RCC1: variants seen among roughly 807,000 people sequenced by gnomAD.
The protein encoded by RCC1 is regulator of chromosome condensation.
In RCC1, 11 loss-of-function variants were observed where a neutral mutation model predicts 44.4. The observed-to-expected ratio is 0.25, with a 90% confidence interval of 0.16 to 0.41. RCC1 has a LOEUF of 0.41. Among genes scored for constraint, RCC1 ranks in the 10% least tolerant of loss-of-function variants. The probability of loss-of-function intolerance (pLI) is 1.00; values close to 1 mark genes in which losing one functional copy is unlikely to be tolerated. For missense variants in RCC1, 386 were observed against 547.1 expected (o/e 0.71, Z 2.94); for synonymous variants, 213 against 216.5 (o/e 0.98, Z 0.14).
At chr1:28,508,443 T>C in intron 2 of RCC1, 1 of 405,020 alleles carries the variant, frequency 2.5e-6, no homozygotes, top group Non-Finnish European at 5.0e-6. Flanking sequence ...GGAAGCCTAA[T>C]TGGCTTTATC....
chr1:28,530,752 C>G lies in RCC1; in HGVS notation c.73+813C>G, dbSNP rs538700257. 7 of 632,128 alleles carry G rather than the reference C, an allele frequency of 1.1e-5. No homozygotes were observed. The South Asian group carries it at 1.2e-4, about 11-fold the overall frequency. The allele number at this position is 632,128 out of a possible 1,614,324, so 39.2% of individuals were successfully genotyped here. On this transcript the variant is annotated intron_variant, in intron 5 of 12. Coordinates refer to ENST00000683442, the MANE Select transcript of RCC1 (RefSeq NM_001381865.2). Reference sequence around the variant, plus strand: ...GGGGCCGCCTTTGGCCCACAGAGAGCCCCGGGCGCGCACCTCCCGCAAATG... The same window carrying G: ...GGGGCCGCCTTTGGCCCACAGAGAGGCCCGGGCGCGCACCTCCCGCAAATG...
intron 5 of RCC1, among the ~76,000 whole-genome samples, chr1:28,531,265 C>CTTTTTTTTTTTTTT (rs1178899130): frequency 7.6e-6 from 1 of 132,112 alleles, no homozygotes; most frequent in Non-Finnish European, 1.6e-5. Context: ...TTTTCTTTTT[C>CTTTTTTTTTTTTTT]TTTTTTTTTT....
At chr1:28,537,772 G>T in intron 12 of RCC1, 60 bp from the exon 13 acceptor site, 1 of 1,523,380 alleles carries the variant, frequency 6.6e-7, no homozygotes, top group Non-Finnish European at 8.8e-7. Flanking sequence ...GGTTTCTCCT[G>T]CTACAGAAAG....
At position 28,523,179 on chromosome 1, in the gene RCC1, C is replaced by G. The variant is rs1274881703; in HGVS notation, c.-10+6312C>G. Among the ~76,000 whole-genome samples the G allele has an allele frequency of 2.6e-5, 4 of 151,850 alleles. No individual in the cohort carries two copies. In the East Asian group the frequency reaches 7.7e-4, roughly 29 times the overall value. ...CCCGAGTAGCTAGGACTACAAGCGCCCGCCACCACGCCTGTCTAATTTTTT... is the reference window on the plus strand; with the variant it reads ...CCCGAGTAGCTAGGACTACAAGCGCGCGCCACCACGCCTGTCTAATTTTTT... On this transcript the variant is annotated intron_variant, in intron 4 of 12. Transcript: ENST00000683442.
At chr1:28,508,399 T>C in intron 2 of RCC1, 6 of 365,300 alleles carry the variant, frequency 1.6e-5, no homozygotes, top group South Asian at 1.0e-4. Flanking sequence ...TCATTAAAAG[T>C]GCAAAGTAGT....
chr1:28,513,238 C>T (rs527596454), intron 3 of RCC1, among the ~76,000 whole-genome samples: 11 of 151,798 alleles, frequency 7.2e-5, no homozygotes, highest in East Asian at 3.9e-4. Context: ...GGGGTTTGCG[C>T]GGCTGAAGTG....
Position 28,536,794 on chromosome 1 carries a change from G to C in RCC1, c.985G>C (p.Gly329Arg). Residue 329 changes from glycine (G) to arginine (R), a missense_variant, in exon 12 of 13, where the codon GGA (glycine) becomes CGA (arginine). By Grantham distance (125) the Gly-to-Arg change is moderately radical (BLOSUM62 -2). Coordinates refer to ENST00000683442, the MANE Select transcript of RCC1 (RefSeq NM_001381865.2). This position sits in a 1 kb window ranked among gnomAD's most constrained non-coding sequence, Gnocchi z 4.9. ...GRAEYGRLGL[G>R]EGAEEKSIPT... ...GGCTGAGTATGGGCGGCTGGGCCTT[G>C]GAGAGGGTGCTGAGGAGAAGAGCAT... The C allele has an allele frequency of 6.2e-7, 1 of 1,614,118 alleles. No homozygotes were observed. Among genetic ancestry groups the C allele is most frequent in the Non-Finnish European group, 8.5e-7 (1 of 1,180,024 alleles).
At chr1:28,510,074 AG>A (rs1662397421) in intron 3 of RCC1, 1 of 152,192 alleles carries the variant, frequency 6.6e-6, no homozygotes, top group Non-Finnish European at 1.5e-5. Flanking sequence ...AGTACCCTGA[AG>A]GATGGGACTG....
At chr1:28,514,578 A>G (rs1291755633) in intron 3 of RCC1, among the ~76,000 whole-genome samples, 2 of 151,740 alleles carry the variant, frequency 1.3e-5, no homozygotes, top group African/African-American at 2.4e-5. Flanking sequence ...CCTGACCAAC[A>G]TGGAGAAACC....
At chr1:28,524,532 A>C (rs1423885623) in intron 4 of RCC1, among the ~76,000 whole-genome samples, 1 of 152,016 alleles carries the variant, frequency 6.6e-6, no homozygotes, top group Admixed American at 6.6e-5. Flanking sequence ...ACTCCAGCCT[A>C]GGTGACAGAG....
chr1:28,506,187 AT>A (rs1221579294), intron 1 of RCC1, 103 bp downstream of exon 1: 1 of 439,376 alleles, frequency 2.3e-6, no homozygotes, highest in Non-Finnish European at 4.5e-6. Flanking sequence ...ATCATATAGT[AT>A]TTTATTTATT....
chr1:28,517,121 C>CA (rs796542591), intron 4 of RCC1, among the ~76,000 whole-genome samples: 2,361 of 135,758 alleles, frequency 0.017, 48 homozygotes, highest in African/African-American at 0.056. Flanking sequence ...GACTCGATCT[C>CA]AAAAAAAAAA....
At position 28,506,065 on chromosome 1, in the gene RCC1, G is replaced by T; in HGVS notation, c.-281G>T. ...TCTCCTTTTTGGAGACAGATTCGCA[G>T]TGGTCGCTTCTTCTCCTTGGTAAGT... On this transcript the variant is annotated 5_prime_UTR_variant, in exon 1 of 13. Coordinates refer to ENST00000683442, the MANE Select transcript of RCC1 (RefSeq NM_001381865.2). 1 of 456,098 alleles carries T rather than the reference G, an allele frequency of 2.2e-6. No homozygotes were observed. Among genetic ancestry groups the T allele is most frequent in the Non-Finnish European group, 4.4e-6 (1 of 226,808 alleles). 28.3% of individuals were successfully genotyped at this position (456,098 alleles called of 1,614,324 possible). A position where few individuals can be genotyped will look rare whatever the true frequency, so the allele number is the denominator to read the frequency against.
chr1:28,536,692 A>G lies in RCC1; in HGVS notation c.938-55A>G, dbSNP rs774441733. 3 of 1,592,860 alleles carry G rather than the reference A, an allele frequency of 1.9e-6. No individual in the cohort carries two copies. Among genetic ancestry groups the G allele is most frequent in the Non-Finnish European group, 2.6e-6 (3 of 1,166,928 alleles). On this transcript the variant is annotated intron_variant, in intron 11 of 12. Coordinates refer to ENST00000683442, the MANE Select transcript of RCC1 (RefSeq NM_001381865.2). This position sits in a 1 kb window ranked among gnomAD's most constrained non-coding sequence, Gnocchi z 4.9. ...GGTGGACTCACCTAGCCTGCCACCC[A>G]TTTTGCCTGTAGCACGCCCTCTGCT...
At chr1:28,506,201 C>CTT (rs56695711) in intron 1 of RCC1, 117 bp downstream of exon 1, 952 of 397,948 alleles carry the variant, frequency 2.4e-3, no homozygotes, top group African/African-American at 3.4e-3. Flanking sequence ...TATTTATTTA[C>CTT]TTTTTTTTTT....
At position 28,535,154 on chromosome 1, in the gene RCC1, T is replaced by TG. The variant is rs1664465184; in HGVS notation, c.538+13dup. The TG allele has an allele frequency of 7.4e-6, 12 of 1,613,910 alleles. No homozygotes were observed. The highest frequency in any genetic ancestry group is 1.7e-5 in the Admixed American group (1 of 59,992). On this transcript the variant is annotated intron_variant, in intron 8 of 12. Transcript: ENST00000683442. ...TGGTAAAGGTGGCCTCAGGTGGGTCTGGGGGCACTTGCTCAGGGCAGGAGT... is the reference window on the plus strand; with the variant it reads ...TGGTAAAGGTGGCCTCAGGTGGGTCTGGGGGGCACTTGCTCAGGGCAGGAGT...
chr1:28,522,832 T>C (rs955151077), intron 4 of RCC1, among the ~76,000 whole-genome samples: 2 of 150,960 alleles, frequency 1.3e-5, no homozygotes, highest in African/African-American at 4.9e-5. Flanking sequence ...AATAAATATA[T>C]ATATGTATAT....
At chr1:28,508,098 G>A (rs773030370) in intron 1 of RCC1, 30 bp from the exon 2 acceptor site, 25 of 441,292 alleles carry the variant, frequency 5.7e-5, no homozygotes, top group Non-Finnish European at 1.1e-4. Context: ...GGGTTTTGCT[G>A]TACTAATAGA....
chr1:28,531,652 C>T, intron 5 of RCC1, 151 bp from the exon 6 acceptor site: 1 of 518,892 alleles, frequency 1.9e-6, no homozygotes, highest in East Asian at 3.3e-5. Context: ...TTGTTGTCCC[C>T]ATTTCACAGA....
Sources: allele counts gnomAD v4.1 joint callset (sites outside exome capture counted in the v4.1 genomes callset), GRCh38; gene constraint gnomAD v4.1.1; non-coding constraint Gnocchi (gnomAD v3.1); transcripts MANE v1.5; gene names NCBI Gene and HGNC (gene_info 2026-07-23, HGNC 2026-07-21).